COL24A1: variants seen among roughly 807,000 people sequenced by gnomAD.
COL24A1 encodes the protein collagen type XXIV alpha 1 chain.
In COL24A1, 224 loss-of-function variants were observed where a neutral mutation model predicts 253.9. The observed-to-expected ratio is 0.88, with a 90% confidence interval of 0.79 to 0.99. The LOEUF (loss-of-function observed/expected upper bound fraction) is 0.99. COL24A1 is among the 50% of genes least tolerant of loss of function. COL24A1 has a pLI of 0.00. For synonymous variants in COL24A1, 685 were observed against 673.7 expected (o/e 1.02, Z -0.26); for missense variants, 2,131 against 2,068.5 (o/e 1.03, Z -0.59).
intron 47 of COL24A1, among the ~76,000 whole-genome samples, chr1:85,814,483 A>G (rs897801512): frequency 6.6e-6 from 1 of 152,198 alleles, no homozygotes; most frequent in African/African-American, 2.4e-5. Flanking sequence ...GAAAACGTCT[A>G]TTTTCTTGCT....
In COL24A1 at chr1:86,087,339, G is replaced by A. The variant is rs567795519; in HGVS notation, c.1707+1835C>T. Among the ~76,000 whole-genome samples the A allele has an allele frequency of 2.6e-5, 4 of 152,198 alleles. No individual in the cohort carries two copies. In the East Asian group the frequency reaches 7.7e-4, roughly 29 times the overall value. The stretch of plus-strand genomic sequence containing the variant: ...TCTTACTATTTTAAAATACTGATGG[G>A]CCATATAACATGTACACGGGTCTCT... On this transcript the variant is annotated intron_variant, in intron 7 of 59. Transcript: ENST00000370571.
intron 26 of COL24A1, 73 bp downstream of exon 26, chr1:85,909,877 A>T: frequency 1.7e-6 from 2 of 1,211,690 alleles, no homozygotes; most frequent in Non-Finnish European, 2.4e-6. Flanking sequence ...CAGCCCAGGC[A>T]ATTCCATCTC....
chr1:86,056,358 A>G (rs1424739704), intron 10 of COL24A1, among the ~76,000 whole-genome samples: 1 of 152,198 alleles, frequency 6.6e-6, no homozygotes, highest in Non-Finnish European at 1.5e-5. Flanking sequence ...TAACTTTGCC[A>G]GATCAAGTAA....
At chr1:85,841,150 T>G in intron 42 of COL24A1, 72 bp downstream of exon 42, 2 of 1,026,622 alleles carry the variant, frequency 1.9e-6, no homozygotes, top group South Asian at 1.5e-5. Context: ...AAAGATTTAA[T>G]TGGTGTTGTG....
At chr1:85,988,899 G>C (rs1302918923) in intron 19 of COL24A1, among the ~76,000 whole-genome samples, 1 of 152,132 alleles carries the variant, frequency 6.6e-6, no homozygotes, top group African/African-American at 2.4e-5. Flanking sequence ...AGAAAAAGCA[G>C]TGGCAACAGA....
chr1:86,122,699 TC>T (rs1380567613), intron 3 of COL24A1, among the ~76,000 whole-genome samples: 1 of 152,046 alleles, frequency 6.6e-6, no homozygotes, highest in Non-Finnish European at 1.5e-5. Context: ...CCCATTAATT[TC>T]CTAGTTCTAC....
rs1406347558 is a variant in COL24A1, at chr1:85,802,951, T to C, written c.3951+13837A>G. Among the ~76,000 whole-genome samples the C allele has an allele frequency of 2.0e-5, 3 of 152,230 alleles. No homozygotes were observed. The East Asian group carries it at 5.8e-4, about 29-fold the overall frequency. On this transcript the variant is annotated intron_variant, in intron 47 of 59. Transcript: ENST00000370571. ...CATTGTATACATGTACTAGAATTTA[T>C]TTAGCCATTCACTTTTTGATGGACA...
At chr1:86,077,030 G>T (rs1010976740) in intron 7 of COL24A1, among the ~76,000 whole-genome samples, 9 of 152,156 alleles carry the variant, frequency 5.9e-5, no homozygotes, top group East Asian at 1.9e-4. Context: ...CACAGCAAAA[G>T]AAACTATCAT....
intron 5 of COL24A1, among the ~76,000 whole-genome samples, chr1:86,110,803 C>T (rs1172100978): frequency 1.3e-5 from 2 of 152,002 alleles, no homozygotes; most frequent in African/African-American, 2.4e-5. Flanking sequence ...GGACCTGCAG[C>T]CCACCATGCC....
chr1:85,786,226 G>T, intron 48 of COL24A1, 128 bp downstream of exon 48: 3 of 691,028 alleles, frequency 4.3e-6, no homozygotes, highest in Non-Finnish European at 7.0e-6. Flanking sequence ...TTTTCCTAAC[G>T]TGCTTTTACT....
Position 86,086,048 on chromosome 1 carries a change from C to A in COL24A1, c.1707+3126G>T, listed in dbSNP as rs1703040677. ...TGAGTTGTTAGTGTATTTCACATAA[C>A]TTTCTTGCAGACATTTTAGCTTTAA... On this transcript the variant is annotated intron_variant, in intron 7 of 59. Transcript: ENST00000370571. 2.0e-5 allele frequency among the ~76,000 whole-genome samples: 3 copies of A among 151,956 alleles called. No homozygotes were observed. The South Asian group carries it at 6.2e-4, about 32-fold the overall frequency.
At chr1:86,076,219 C>T (rs888977176) in intron 7 of COL24A1, among the ~76,000 whole-genome samples, 2 of 152,104 alleles carry the variant, frequency 1.3e-5, no homozygotes, top group African/African-American at 4.8e-5. Context: ...AATCACTGTG[C>T]AAAAATCACA....
At chr1:86,050,092 T>G (rs1700193361) in intron 11 of COL24A1, 32 bp downstream of exon 11, 1 of 1,580,260 alleles carries the variant, frequency 6.3e-7, no homozygotes, top group Non-Finnish European at 8.7e-7. Flanking sequence ...GTATATCACT[T>G]TAGAAATACT....
chr1:85,865,239 ACTGT>A (rs1679654465), intron 37 of COL24A1, among the ~76,000 whole-genome samples: 1 of 152,072 alleles, frequency 6.6e-6, no homozygotes, highest in Admixed American at 6.6e-5. Context: ...TCTTTGTGAC[ACTGT>A]CTAAGGAAGA....
At chr1:86,114,477 G>A (rs1705929982) in intron 4 of COL24A1, among the ~76,000 whole-genome samples, 1 of 152,042 alleles carries the variant, frequency 6.6e-6, no homozygotes, top group South Asian at 2.1e-4. Flanking sequence ...GATAGGAATG[G>A]TTCATGGGCT....
chr1:85,768,606 T>A (rs1667637914), intron 53 of COL24A1, among the ~76,000 whole-genome samples: 1 of 151,620 alleles, frequency 6.6e-6, no homozygotes, highest in African/African-American at 2.4e-5. Context: ...GGCTTATTTC[T>A]TTTTCTTTTA....
At chr1:85,888,691 A>C (rs1449512530) in intron 32 of COL24A1, among the ~76,000 whole-genome samples, 1 of 152,132 alleles carries the variant, frequency 6.6e-6, no homozygotes, top group Non-Finnish European at 1.5e-5. Flanking sequence ...TTTGGAAAGA[A>C]CTATAAATAC....
Position 86,125,771 on chromosome 1 carries a change from C to G in COL24A1, c.565G>C (p.Glu189Gln). The G allele has an allele frequency of 1.9e-6, 3 of 1,612,482 alleles. No individual in the cohort carries two copies. Among genetic ancestry groups the G allele is most frequent in the Middle Eastern group, 1.7e-4 (1 of 6,044 alleles). Reference sequence around the variant, plus strand: ...AAGGTCTGAACTTCTGGAATAGTCTCTGTGCTAAAATATTTCTTTCCACAC... The same window carrying G: ...AAGGTCTGAACTTCTGGAATAGTCTGTGTGCTAAAATATTTCTTTCCACAC... ...VECGKKYFSTETIPEVQTFDS... is the reference protein window; with the variant it reads ...VECGKKYFSTQTIPEVQTFDS... Residue 189 changes from glutamate to glutamine, a missense_variant, in exon 3 of 60, where the codon GAG becomes CAG. Glu to Gln is a conservative substitution (Grantham distance 29). Coordinates refer to ENST00000370571, the MANE Select transcript of COL24A1 (RefSeq NM_152890.7).
intron 51 of COL24A1, 36 bp downstream of exon 51, chr1:85,783,460 C>T (rs1570596393): frequency 1.3e-6 from 2 of 1,594,456 alleles, no homozygotes; most frequent in Non-Finnish European, 1.7e-6. Flanking sequence ...AGCAAAGAAC[C>T]ACAATTTCTG....
Sources: gnomAD v4.1 joint callset for allele counts (sites outside exome capture counted in the v4.1 genomes callset) on GRCh38, gnomAD v4.1.1 for gene constraint, MANE v1.5 for transcripts, NCBI Gene and HGNC (gene_info 2026-07-23, HGNC 2026-07-21) for gene names.